Variants in CCSER1 observed in about 807,000 individuals in gnomAD.
The protein encoded by CCSER1 is serine-rich coiled-coil domain-containing protein 1.
CCSER1 carries 41 observed loss-of-function variants against 82.0 expected under a neutral mutation model. That is an observed-to-expected ratio of 0.50 (90% CI 0.39 to 0.65). The LOEUF (loss-of-function observed/expected upper bound fraction) is 0.65. Ranked by LOEUF, CCSER1 falls within the 30% of genes least tolerant of loss-of-function variation. CCSER1 has a pLI of 0.00. For synonymous variants in CCSER1, 414 were observed against 383.9 expected, an observed-to-expected ratio of 1.08 and a Z score of -0.92; for missense variants, 1,119 against 1,064.2, an observed-to-expected ratio of 1.05 and a Z score of -0.72.
At chr4:91,124,950 ACTTT>A (rs1244679637) in intron 10 of CCSER1, among the ~76,000 whole-genome samples, 4 of 151,696 alleles carry the variant, frequency 2.6e-5, no homozygotes, top group African/African-American at 9.7e-5. Context: ...CTTCTTTTGA[ACTTT>A]CTTTCCCTAC....
At chr4:91,188,681 T>C (rs868754399) in intron 10 of CCSER1, among the ~76,000 whole-genome samples, 1 of 152,302 alleles carries the variant, frequency 6.6e-6, no homozygotes, top group African/African-American at 2.4e-5. Context: ...TGATGTTGAG[T>C]AGGTATTCTG....
intron 3 of CCSER1, among the ~76,000 whole-genome samples, chr4:90,342,152 G>A (rs912072749): frequency 2.0e-5 from 3 of 152,174 alleles, no homozygotes; most frequent in African/African-American, 7.2e-5. Context: ...CAAGAGATTT[G>A]AAAGCGAGGG....
chr4:91,159,945 T>C (rs11946467), intron 10 of CCSER1, among the ~76,000 whole-genome samples: 2 of 151,626 alleles, frequency 1.3e-5, no homozygotes, highest in Non-Finnish European at 3.0e-5. Flanking sequence ...AAGTGCACAA[T>C]GTGCAGGTTT....
At position 91,482,198 on chromosome 4, in the gene CCSER1, C is replaced by T. The variant is rs545675206; in HGVS notation, c.2218-116374C>T. Among the ~76,000 whole-genome samples the T allele has an allele frequency of 1.1e-4, 17 of 148,008 alleles. No individual in the cohort carries two copies. The East Asian group carries it at 3.5e-3, about 30-fold the overall frequency. On this transcript the variant is annotated intron_variant, in intron 10 of 10. Transcript: ENST00000509176. ...CGGGTGGATCATGAGGTCAGGAGAT[C>T]GAGACCATCCTGGCTAACAAGGTAA...
chr4:90,347,436 C>T (rs957135201), intron 3 of CCSER1, among the ~76,000 whole-genome samples: 4 of 152,132 alleles, frequency 2.6e-5, no homozygotes, highest in Non-Finnish European at 5.9e-5. Context: ...TCTCTGGTTT[C>T]ACTTTTGGCA....
chr4:90,484,049 T>A lies in CCSER1; in HGVS notation c.1724+15695T>A, dbSNP rs182010516. ...TTTGGTCTTTTCACATAGTCACATA[T>A]TTCTTGGAGGCTTTGTTCGTTTCTT... On this transcript the variant is annotated intron_variant, in intron 5 of 10. Coordinates refer to ENST00000509176, the MANE Select transcript of CCSER1 (RefSeq NM_001145065.2). Among the ~76,000 whole-genome samples the A allele has an allele frequency of 2.0e-5, 3 of 152,354 alleles. No homozygotes were observed. In the East Asian group the frequency reaches 5.8e-4, roughly 29 times the overall value.
intron 3 of CCSER1, among the ~76,000 whole-genome samples, chr4:90,381,195 T>C (rs1365565910): frequency 6.6e-6 from 1 of 152,206 alleles, no homozygotes; most frequent in African/African-American, 2.4e-5. Flanking sequence ...CTACCCACCC[T>C]TGTGATAATT....
At chr4:90,258,438 G>A (rs1030743296) in intron 1 of CCSER1, among the ~76,000 whole-genome samples, 47 of 152,148 alleles carry the variant, frequency 3.1e-4, no homozygotes, top group African/African-American at 1.1e-3. Context: ...CTTGAACCTG[G>A]GAGGCAGAGG....
At chr4:90,159,028 C>T (rs1352370135) in intron 1 of CCSER1, among the ~76,000 whole-genome samples, 1 of 152,088 alleles carries the variant, frequency 6.6e-6, no homozygotes, top group African/African-American at 2.4e-5. Flanking sequence ...TGGCTCCGAC[C>T]TCCCTGTCAG....
chr4:90,194,477 T>C (rs1736235921), intron 1 of CCSER1, among the ~76,000 whole-genome samples: 1 of 152,100 alleles, frequency 6.6e-6, no homozygotes, highest in Non-Finnish European at 1.5e-5. Flanking sequence ...ATGATAGGTT[T>C]AGACTTCATG....
intron 1 of CCSER1, among the ~76,000 whole-genome samples, chr4:90,172,030 G>T (rs968458300): frequency 1.3e-5 from 2 of 151,818 alleles, no homozygotes; most frequent in African/African-American, 4.8e-5. Flanking sequence ...TCAGATAATT[G>T]CCCAGGTTCT....
At chr4:90,814,975 C>T (rs1758809368) in intron 7 of CCSER1, among the ~76,000 whole-genome samples, 1 of 152,148 alleles carries the variant, frequency 6.6e-6, no homozygotes, top group Admixed American at 6.5e-5. Flanking sequence ...TATAGCAGTG[C>T]CCCACTCCAA....
At chr4:90,304,978 C>T (rs1004218209) in intron 1 of CCSER1, among the ~76,000 whole-genome samples, 1 of 151,400 alleles carries the variant, frequency 6.6e-6, no homozygotes, top group African/African-American at 2.4e-5. Flanking sequence ...AGTGCAGTGG[C>T]CTGATCTGGC....
chr4:91,192,363 G>GT (rs1735072081), intron 10 of CCSER1, among the ~76,000 whole-genome samples: 1 of 152,068 alleles, frequency 6.6e-6, no homozygotes, highest in Non-Finnish European at 1.5e-5. Context: ...ATGTTTGTTT[G>GT]TTTTTTAAGT....
chr4:90,367,163 CAAA>C (rs1372297857), intron 3 of CCSER1, among the ~76,000 whole-genome samples: 1 of 151,522 alleles, frequency 6.6e-6, no homozygotes. Flanking sequence ...GAGACGGTAA[CAAA>C]GAGTGGAACA....
intron 8 of CCSER1, among the ~76,000 whole-genome samples, chr4:90,908,277 A>C (rs1011729275): frequency 1.1e-4 from 17 of 152,176 alleles, no homozygotes; most frequent in African/African-American, 3.6e-4. Context: ...AAGATTCCAG[A>C]TGAAGGAATA....
At chr4:90,879,567 AGAGGAAGAAGAAGAAGAG>A (rs200840882) in intron 8 of CCSER1, among the ~76,000 whole-genome samples, 3,607 of 90,358 alleles carry the variant, frequency 0.04, 69 homozygotes, top group Non-Finnish European at 0.053. Context: ...AAGAAGAAGA[AGAGGAAGAAGAAGAAGAG>A]GAGGAGGAGG....
intron 5 of CCSER1, among the ~76,000 whole-genome samples, chr4:90,616,091 TAAG>T (rs1440375890): frequency 1.3e-5 from 2 of 152,244 alleles, no homozygotes; most frequent in African/African-American, 2.4e-5. Context: ...ATTTTTAAAT[TAAG>T]GCGTGTACAT....
At chr4:90,668,130 A>G (rs1732142178) in intron 6 of CCSER1, among the ~76,000 whole-genome samples, 5 of 152,184 alleles carry the variant, frequency 3.3e-5, no homozygotes, top group South Asian at 4.1e-4. Context: ...CTTTTTCTTT[A>G]ATAAAAACAG....
Sources: allele counts gnomAD v4.1 joint callset (sites outside exome capture counted in the v4.1 genomes callset), GRCh38; gene constraint gnomAD v4.1.1; transcripts MANE v1.5; gene names NCBI Gene and HGNC (gene_info 2026-07-23, HGNC 2026-07-21).